THSD4: variants seen among roughly 807,000 people sequenced by gnomAD.
THSD4 encodes thrombospondin type-1 domain-containing protein 4.
Under a neutral mutation model 119.0 loss-of-function variants are expected in THSD4, and 69 were observed. That is an observed-to-expected ratio of 0.58 (90% CI 0.48 to 0.71). The LOEUF (loss-of-function observed/expected upper bound fraction) is 0.71. THSD4 is among the 30% of genes least tolerant of loss of function. THSD4 has a pLI of 0.00. For synonymous variants in THSD4, 524 were observed against 540.4 expected (o/e 0.97, Z 0.42); for missense variants, 1,393 against 1,391.1 (o/e 1.00, Z -0.02).
At chr15:71,170,209 T>C (rs1158513544) in intron 3 of THSD4, among the ~76,000 whole-genome samples, 2 of 151,760 alleles carry the variant, frequency 1.3e-5, no homozygotes, top group Non-Finnish European at 2.9e-5. Context: ...GTCTGCAGGA[T>C]AGAGTACCAG....
At chr15:71,237,398 G>A (rs1470039232) in intron 4 of THSD4, among the ~76,000 whole-genome samples, 1 of 152,206 alleles carries the variant, frequency 6.6e-6, no homozygotes, top group Non-Finnish European at 1.5e-5. Context: ...GCTTGTTCAA[G>A]TTTAAGGACT....
At chr15:71,729,600 CTTG>C (rs1362682409) in intron 9 of THSD4, 4 of 151,982 alleles carry the variant, frequency 2.6e-5, no homozygotes, top group Non-Finnish European at 5.9e-5. Context: ...CAAAGGAAGC[CTTG>C]TTGTAGTTTA....
chr15:71,586,556 C>A (rs550407795), intron 7 of THSD4, among the ~76,000 whole-genome samples: 17 of 152,292 alleles, frequency 1.1e-4, no homozygotes, highest in Middle Eastern at 6.8e-3. Context: ...TGTCACATAG[C>A]TCCCTTTGTC....
chr15:71,683,360 T>A (rs1368791555), intron 8 of THSD4, among the ~76,000 whole-genome samples: 1 of 152,152 alleles, frequency 6.6e-6, no homozygotes. Context: ...TCAATAAACA[T>A]GTACTGAGTC....
intron 4 of THSD4, among the ~76,000 whole-genome samples, chr15:71,236,554 T>C (rs2044107149): frequency 1.3e-5 from 2 of 152,204 alleles, no homozygotes; most frequent in Admixed American, 6.5e-5. Flanking sequence ...TAATAAGATA[T>C]AATAATTCAT....
chr15:71,688,899 A>G (rs2051981502), intron 8 of THSD4, among the ~76,000 whole-genome samples: 1 of 152,048 alleles, frequency 6.6e-6, no homozygotes, highest in South Asian at 2.1e-4. Context: ...ATTCCCCACT[A>G]TGACAGATGT....
Position 71,154,913 on chromosome 15 carries a change from C to T in THSD4, c.80C>T (p.Pro27Leu), listed in dbSNP as rs1387849216. 1.2e-6 allele frequency: 2 copies of T among 1,614,066 alleles called. No individual in the cohort carries two copies. Among genetic ancestry groups the T allele is most frequent in the Middle Eastern group, 3.3e-4 (2 of 6,084 alleles). Residue 27 changes from proline to leucine, a missense_variant, in exon 3 of 18, where the codon CCC (proline) becomes CTC (leucine). Coordinates refer to ENST00000261862, the MANE Select transcript of THSD4 (RefSeq NM_024817.3). ...GGATTCCAGTTCGTCTGCCCACAGC[C>T]CTCCACTCAACACAGGAAGGTAAGC... is the stretch of plus-strand genomic sequence containing the variant. ...LLGFQFVCPQ[P>L]STQHRKVPQR...
intron 7 of THSD4, chr15:71,547,755 C>A (rs758645025): frequency 3.4e-6 from 1 of 295,092 alleles, no homozygotes; most frequent in Non-Finnish European, 6.2e-6. Context: ...GCCTGTAGCA[C>A]GCACGCTTCT....
Position 71,447,109 on chromosome 15 carries a change from ATTTTTTTTGTTTT to A in THSD4, c.1152+35295_1152+35307del, listed in dbSNP as rs1423877174. 1.2e-3 allele frequency among the ~76,000 whole-genome samples: 85 copies of A among 69,486 alleles called. 1 individual carries two copies. The highest frequency in any genetic ancestry group is 3.3e-3 in the Admixed American group (16 of 4,800). The allele number at this position is 69,486 out of a possible 152,430, so 45.6% of individuals were successfully genotyped here. ...TGTCCTCTGTTGCCCTCTTCCCTCC[ATTTTTTTTGTTTT>A]TTTTTTTTTTTTTTTTGGAGACAGA... On this transcript the variant is annotated intron_variant, in intron 7 of 17. Transcript: ENST00000261862.
intron 7 of THSD4, among the ~76,000 whole-genome samples, chr15:71,552,555 T>G (rs2048948725): frequency 6.6e-6 from 1 of 152,262 alleles, no homozygotes; most frequent in African/African-American, 2.4e-5. Flanking sequence ...CAGTCAGCTA[T>G]GTGGAACTCA....
At position 71,728,703 on chromosome 15, in the gene THSD4, C is replaced by G; in HGVS notation, c.1512C>G (p.Thr504=). 6.2e-7 allele frequency: 1 copy of G among 1,614,164 alleles called. No homozygotes were observed. The highest frequency in any genetic ancestry group is 8.5e-7 in the Non-Finnish European group (1 of 1,180,040). Reference sequence around the variant, plus strand: ...AGTCCTTTTTGGCGGAAGGTCCCACCAACGAGATCTTGGATGTCTACGTGA... The same window carrying G: ...AGTCCTTTTTGGCGGAAGGTCCCACGAACGAGATCTTGGATGTCTACGTGA... ...AGESFLAEGP[T]NEILDVYMIH... is the part of the protein sequence containing the mutation. The change falls in exon 9 of 18, where the codon ACC becomes ACG. Residue 504 remains threonine, a synonymous_variant. Coordinates refer to ENST00000261862, the MANE Select transcript of THSD4 (RefSeq NM_024817.3).
At chr15:71,112,798 A>AT (rs533393426), upstream of THSD4, among the ~76,000 whole-genome samples, 27 of 152,272 alleles carry the variant, frequency 1.8e-4, no homozygotes, top group Non-Finnish European at 4.0e-4. Flanking sequence ...AAGCAGAAAT[A>AT]TAACAGGACT....
At chr15:71,484,432 C>G (rs1393897327) in intron 7 of THSD4, among the ~76,000 whole-genome samples, 1 of 152,260 alleles carries the variant, frequency 6.6e-6, no homozygotes, top group Admixed American at 6.5e-5. Flanking sequence ...TTTGAAGAAA[C>G]CAAGGTTCAG....
chr15:71,686,142 G>C (rs917244923), intron 8 of THSD4, among the ~76,000 whole-genome samples: 14 of 152,064 alleles, frequency 9.2e-5, no homozygotes, highest in Non-Finnish European at 1.9e-4. Flanking sequence ...GTGGCATTAA[G>C]CACATTCACA....
rs541929849 is a variant in THSD4, at chr15:71,227,269, A to G, written c.464+11870A>G. Among the ~76,000 whole-genome samples the G allele has an allele frequency of 4.6e-5, 7 of 152,364 alleles. No individual in the cohort carries two copies. In the South Asian group the frequency reaches 8.3e-4, roughly 18 times the overall value. Reference sequence around the variant, plus strand: ...AACAAAGATCACATTCGCCGTAAGAATGCTGCATTGAACTTTCTCCAAGTC... The same window carrying G: ...AACAAAGATCACATTCGCCGTAAGAGTGCTGCATTGAACTTTCTCCAAGTC... On this transcript the variant is annotated intron_variant, in intron 4 of 17. Coordinates refer to ENST00000261862, the MANE Select transcript of THSD4 (RefSeq NM_024817.3).
intron 1 of THSD4, among the ~76,000 whole-genome samples, chr15:71,107,455 AAAAAG>A (rs1319335061): frequency 6.6e-6 from 1 of 152,176 alleles, no homozygotes; most frequent in Non-Finnish European, 1.5e-5. Context: ...GAAGAAAAGG[AAAAAG>A]AAAAGAAAGG....
At chr15:71,173,933 A>T (rs948967782) in intron 3 of THSD4, among the ~76,000 whole-genome samples, 5 of 152,240 alleles carry the variant, frequency 3.3e-5, no homozygotes, top group Admixed American at 1.3e-4. Context: ...ATAAAAATTA[A>T]CTCAAAATGG....
chr15:71,380,364 A>G (rs1208383817), intron 6 of THSD4, among the ~76,000 whole-genome samples: 3 of 152,110 alleles, frequency 2.0e-5, no homozygotes, highest in South Asian at 4.1e-4. Context: ...ACAGTATGGA[A>G]TTCACAAGTC....
At chr15:71,262,302 A>G (rs2044410094) in intron 6 of THSD4, among the ~76,000 whole-genome samples, 1 of 152,182 alleles carries the variant, frequency 6.6e-6, no homozygotes, top group African/African-American at 2.4e-5. Flanking sequence ...AAAGATGGCA[A>G]AAGTGGAATT....
Sources: gnomAD v4.1 joint callset for allele counts (sites outside exome capture counted in the v4.1 genomes callset) on GRCh38, gnomAD v4.1.1 for gene constraint, MANE v1.5 for transcripts, NCBI Gene and HGNC (gene_info 2026-07-23, HGNC 2026-07-21) for gene names.